Variants in LHFPL6 observed in about 807,000 individuals in gnomAD.
LHFPL6 encodes LHFPL tetraspan subfamily member 6 protein.
Under a neutral mutation model 20.6 loss-of-function variants are expected in LHFPL6, and 9 were observed. The ratio of observed to expected loss-of-function variants is 0.44; its 90% CI spans 0.26 to 0.76. The LOEUF (loss-of-function observed/expected upper bound fraction) is 0.76, where lower values mean the gene tolerates loss of function less well. Among genes scored for constraint, LHFPL6 ranks in the 30% least tolerant of loss-of-function variants. The pLI is 0.20. For synonymous variants in LHFPL6, 105 were observed against 98.7 expected (o/e 1.06, Z -0.38); for missense variants, 218 against 253.5 (o/e 0.86, Z 0.95).
intron 2 of LHFPL6, among the ~76,000 whole-genome samples, chr13:39,399,116 A>G (rs1870917464): frequency 6.6e-6 from 1 of 152,202 alleles, no homozygotes; most frequent in Non-Finnish European, 1.5e-5. Context: ...TAAAAATCCT[A>G]TGGTTATCCA....
intron 3 of LHFPL6, among the ~76,000 whole-genome samples, chr13:39,368,612 C>T (rs898040915): frequency 5.9e-5 from 9 of 151,474 alleles, no homozygotes; most frequent in African/African-American, 2.2e-4. Context: ...AAAAAAGACA[C>T]AAAATCCTCA....
chr13:39,482,966 GGAT>G, intron 2 of LHFPL6, among the ~76,000 whole-genome samples: 1 of 152,294 alleles, frequency 6.6e-6, no homozygotes, highest in Middle Eastern at 3.4e-3. Context: ...ACATTGCAAA[GGAT>G]GGATAAAGGA....
chr13:39,522,217 C>T (rs548845464), intron 2 of LHFPL6, among the ~76,000 whole-genome samples: 1 of 152,296 alleles, frequency 6.6e-6, no homozygotes, highest in South Asian at 2.1e-4. Flanking sequence ...TCCAGTAAAC[C>T]CTCACAAAAA....
At chr13:39,498,300 T>C (rs1460777206) in intron 2 of LHFPL6, among the ~76,000 whole-genome samples, 4 of 152,198 alleles carry the variant, frequency 2.6e-5, no homozygotes, top group Non-Finnish European at 5.9e-5. Context: ...TGTTTCCTAG[T>C]CACCTTCTCC....
chr13:39,578,116 C>T (rs556168008), intron 2 of LHFPL6, among the ~76,000 whole-genome samples: 2 of 152,288 alleles, frequency 1.3e-5, no homozygotes, highest in Admixed American at 6.5e-5. Context: ...CTTTAAAATA[C>T]ACACGGGCAG....
chr13:39,497,905 C>A (rs972606147), intron 2 of LHFPL6, among the ~76,000 whole-genome samples: 1 of 152,094 alleles, frequency 6.6e-6, no homozygotes, highest in Non-Finnish European at 1.5e-5. Flanking sequence ...GTTTAATTCC[C>A]ACTTCTACAC....
intron 2 of LHFPL6, among the ~76,000 whole-genome samples, chr13:39,423,663 T>C (rs781738546): frequency 6.6e-6 from 1 of 152,112 alleles, no homozygotes; most frequent in Admixed American, 6.5e-5. Context: ...TGAGGAAAAG[T>C]GATCCCAGGC....
At chr13:39,355,083 C>T (rs1402469462) in intron 3 of LHFPL6, among the ~76,000 whole-genome samples, 2 of 148,042 alleles carry the variant, frequency 1.4e-5, no homozygotes, top group Non-Finnish European at 3.0e-5. Flanking sequence ...ATACTAGATG[C>T]ATAGTGATCA....
intron 2 of LHFPL6, among the ~76,000 whole-genome samples, chr13:39,595,125 A>G (rs889690251): frequency 6.6e-6 from 1 of 152,124 alleles, no homozygotes; most frequent in African/African-American, 2.4e-5. Context: ...AATAAAATAA[A>G]TAAATAAATA....
chr13:39,386,498 C>T (rs983893446), intron 2 of LHFPL6, among the ~76,000 whole-genome samples: 1 of 152,162 alleles, frequency 6.6e-6, no homozygotes, highest in African/African-American at 2.4e-5. Context: ...AGATTAATCC[C>T]GGGCCTCCTG....
At chr13:39,387,322 G>A (rs1488235535) in intron 2 of LHFPL6, among the ~76,000 whole-genome samples, 2 of 152,020 alleles carry the variant, frequency 1.3e-5, no homozygotes, top group East Asian at 1.9e-4. Context: ...GCTGAAGTGC[G>A]TGGATCACCA....
chr13:39,576,418 T>G (rs1475088624), intron 2 of LHFPL6, among the ~76,000 whole-genome samples: 3 of 152,214 alleles, frequency 2.0e-5, no homozygotes, highest in Non-Finnish European at 4.4e-5. Flanking sequence ...TAGTATTAAA[T>G]AGCTGTTCTC....
chr13:39,489,134 G>A (rs924047982), intron 2 of LHFPL6, among the ~76,000 whole-genome samples: 19 of 152,110 alleles, frequency 1.2e-4, no homozygotes, highest in African/African-American at 4.6e-4. Flanking sequence ...ACAGTTTTGT[G>A]GCATCTCATT....
intron 3 of LHFPL6, among the ~76,000 whole-genome samples, chr13:39,346,951 A>G (rs1233441444): frequency 1.3e-5 from 2 of 152,022 alleles, no homozygotes; most frequent in African/African-American, 4.8e-5. Flanking sequence ...ACAGACATCA[A>G]GCACACAGAG....
chr13:39,573,842 G>A (rs1292578173), intron 2 of LHFPL6, among the ~76,000 whole-genome samples: 1 of 152,080 alleles, frequency 6.6e-6, no homozygotes, highest in Non-Finnish European at 1.5e-5. Flanking sequence ...TAAAAAGGAA[G>A]CTTGAAATAT....
intron 2 of LHFPL6, among the ~76,000 whole-genome samples, chr13:39,490,098 A>AC (rs61180157): frequency 0.017 from 336 of 19,560 alleles, no homozygotes; most frequent in African/African-American, 0.057. Flanking sequence ...AAACAAACAA[A>AC]AAAAAAAACA....
chr13:39,520,956 T>G (rs1341598502), intron 2 of LHFPL6, among the ~76,000 whole-genome samples: 1 of 152,186 alleles, frequency 6.6e-6, no homozygotes, highest in African/African-American at 2.4e-5. Context: ...AAGGGACTAC[T>G]GATGGGTCAT....
intron 2 of LHFPL6, among the ~76,000 whole-genome samples, chr13:39,549,849 A>G (rs1205769378): frequency 6.6e-6 from 1 of 152,160 alleles, no homozygotes; most frequent in Non-Finnish European, 1.5e-5. Context: ...AAAAGGAAAC[A>G]AAATAATGTC....
chr13:39,392,774 T>C (rs1169998232), intron 2 of LHFPL6, among the ~76,000 whole-genome samples: 3 of 151,976 alleles, frequency 2.0e-5, no homozygotes, highest in Non-Finnish European at 4.4e-5. Context: ...AAGCACGAGA[T>C]ACATTTTAAG....
Sources: allele counts gnomAD v4.1 joint callset (sites outside exome capture counted in the v4.1 genomes callset), GRCh38; gene constraint gnomAD v4.1.1; transcripts MANE v1.5; gene names NCBI Gene and HGNC (gene_info 2026-07-23, HGNC 2026-07-21).